ZNF385D: variants seen among roughly 807,000 people sequenced by gnomAD.
ZNF385D encodes the protein zinc finger protein 659.
ZNF385D carries 15 observed loss-of-function variants against 35.8 expected under a neutral mutation model. That is an observed-to-expected ratio of 0.42 (90% CI 0.28 to 0.64). The LOEUF (loss-of-function observed/expected upper bound fraction) is 0.64. Among genes scored for constraint, ZNF385D ranks in the 30% least tolerant of loss-of-function variants. The probability of loss-of-function intolerance (pLI) is 0.23; values close to 1 mark genes in which losing one functional copy is unlikely to be tolerated. For synonymous variants in ZNF385D, 212 were observed against 186.8 expected, an observed-to-expected ratio of 1.13 and a Z score of -1.10; for missense variants, 474 against 494.6, an observed-to-expected ratio of 0.96 and a Z score of 0.39.
intron 3 of ZNF385D, among the ~76,000 whole-genome samples, chr3:22,141,587 G>A (rs1300831400): frequency 2.0e-5 from 3 of 152,070 alleles, no homozygotes; most frequent in Non-Finnish European, 4.4e-5. Context: ...CTCTGTGGTG[G>A]GACCCGCGGT....
intron 1 of ZNF385D, among the ~76,000 whole-genome samples, chr3:21,732,087 C>G (rs13068902): frequency 2.4e-5 from 2 of 84,608 alleles, no homozygotes; most frequent in East Asian, 4.2e-4. Context: ...GAGTTTTGCT[C>G]TTTGTTGCCC....
At chr3:22,228,322 G>T (rs994390283) in intron 2 of ZNF385D, among the ~76,000 whole-genome samples, 2 of 152,070 alleles carry the variant, frequency 1.3e-5, no homozygotes, top group African/African-American at 2.4e-5. Flanking sequence ...ACCTTATGTG[G>T]GACTGCCACC....
intron 3 of ZNF385D, among the ~76,000 whole-genome samples, chr3:21,949,546 C>CT (rs1553705221): frequency 1.2e-3 from 36 of 31,140 alleles, no homozygotes; most frequent in African/African-American, 3.9e-3. Context: ...TCCTTCTTTT[C>CT]TTTCTTTCTT....
At chr3:21,651,673 T>A (rs1217399271) in intron 2 of ZNF385D, among the ~76,000 whole-genome samples, 1 of 152,152 alleles carries the variant, frequency 6.6e-6, no homozygotes, top group Non-Finnish European at 1.5e-5. Flanking sequence ...AAACTGAACT[T>A]CTTAACCTCC....
chr3:22,242,616 A>G (rs1264749592), intron 2 of ZNF385D, among the ~76,000 whole-genome samples: 1 of 151,188 alleles, frequency 6.6e-6, no homozygotes, highest in African/African-American at 2.4e-5. Context: ...TTGAGGAAAG[A>G]TTGTTGTAGA....
In ZNF385D at chr3:22,040,863, G is replaced by C. The variant is rs182559501; in HGVS notation, c.325+127954C>G. Among the ~76,000 whole-genome samples, 5 of 152,208 alleles carry C rather than the reference G, an allele frequency of 3.3e-5. No homozygotes were observed. The East Asian group carries it at 5.8e-4, about 18-fold the overall frequency. On this transcript the variant is annotated intron_variant, in intron 3 of 5. Transcript: ENST00000494108. The stretch of plus-strand genomic sequence containing the variant: ...TAAATATCATGCTATGTTTGCAATG[G>C]TCAAGTGTCTTGCTTGCTAGAGTCT...
chr3:21,819,270 A>T (rs1253398821), intron 3 of ZNF385D, among the ~76,000 whole-genome samples: 1 of 151,898 alleles, frequency 6.6e-6, no homozygotes. Flanking sequence ...ACATATCATT[A>T]ATCACAATCA....
chr3:21,474,209 C>T (rs1704086258), intron 4 of ZNF385D, among the ~76,000 whole-genome samples: 2 of 151,932 alleles, frequency 1.3e-5, no homozygotes, highest in Admixed American at 1.3e-4. Context: ...TTGGCCATGG[C>T]TTACGTAGGG....
chr3:22,042,251 T>C (rs2125506845), intron 3 of ZNF385D, among the ~76,000 whole-genome samples: 1 of 152,116 alleles, frequency 6.6e-6, no homozygotes, highest in East Asian at 1.9e-4. Context: ...AAAATGAAGA[T>C]AACAGTCTCT....
chr3:21,594,273 G>A (rs958870039), intron 2 of ZNF385D, among the ~76,000 whole-genome samples: 6 of 152,160 alleles, frequency 3.9e-5, no homozygotes, highest in Admixed American at 6.5e-5. Context: ...CATGGTTGTA[G>A]AGCTAGCTAA....
At chr3:21,835,504 T>G (rs2125774013) in intron 3 of ZNF385D, among the ~76,000 whole-genome samples, 1 of 141,150 alleles carries the variant, frequency 7.1e-6, no homozygotes, top group East Asian at 2.1e-4. Context: ...ACAGGGTGGA[T>G]CAAAGTGATA....
intron 2 of ZNF385D, among the ~76,000 whole-genome samples, chr3:22,232,449 A>G (rs569990222): frequency 1.2e-3 from 178 of 152,086 alleles, no homozygotes; most frequent in African/African-American, 4.2e-3. Context: ...GTTTTGTTAC[A>G]TAGGTATACA....
At chr3:22,037,622 G>A (rs1386212118) in intron 3 of ZNF385D, among the ~76,000 whole-genome samples, 1 of 152,130 alleles carries the variant, frequency 6.6e-6, no homozygotes, top group Non-Finnish European at 1.5e-5. Flanking sequence ...TTTGTCAGAT[G>A]AGTAGATTGC....
At chr3:21,447,726 C>A (rs907932769) in intron 4 of ZNF385D, among the ~76,000 whole-genome samples, 1 of 152,248 alleles carries the variant, frequency 6.6e-6, no homozygotes, top group African/African-American at 2.4e-5. Context: ...TGAGAGAAAG[C>A]TTACCTCTGA....
intron 3 of ZNF385D, among the ~76,000 whole-genome samples, chr3:21,799,076 C>T (rs901327866): frequency 3.3e-5 from 5 of 152,180 alleles, no homozygotes; most frequent in East Asian, 1.9e-4. Context: ...TTGTGTCTGA[C>T]GTAATTCACT....
intron 3 of ZNF385D, among the ~76,000 whole-genome samples, chr3:21,926,306 C>A (rs191544758): frequency 7.2e-5 from 11 of 152,172 alleles, no homozygotes; most frequent in Non-Finnish European, 1.5e-4. Context: ...CTGACAGGAC[C>A]CAGTGTGTGA....
intron 3 of ZNF385D, among the ~76,000 whole-genome samples, chr3:22,094,863 T>C (rs539417771): frequency 6.6e-5 from 10 of 152,168 alleles, no homozygotes; most frequent in African/African-American, 1.9e-4. Flanking sequence ...CACAGCCTCA[T>C]GGTTGCCAGA....
chr3:21,511,401 A>G (rs1030106039), intron 3 of ZNF385D, among the ~76,000 whole-genome samples: 11 of 152,154 alleles, frequency 7.2e-5, no homozygotes, highest in African/African-American at 2.7e-4. Context: ...AGTAGCTTTC[A>G]CCTTCTTGGC....
At chr3:21,585,235 A>G (rs560756606) in intron 2 of ZNF385D, among the ~76,000 whole-genome samples, 1 of 152,214 alleles carries the variant, frequency 6.6e-6, no homozygotes, top group Non-Finnish European at 1.5e-5. Context: ...CATTTAAATA[A>G]TAGGCTTTCT....
Sources: allele counts gnomAD v4.1 joint callset (sites outside exome capture counted in the v4.1 genomes callset), GRCh38; gene constraint gnomAD v4.1.1; transcripts MANE v1.5; gene names NCBI Gene and HGNC (gene_info 2026-07-23, HGNC 2026-07-21).